Variants in CNTNAP5 observed in about 807,000 individuals in gnomAD.
CNTNAP5 encodes the protein contactin-associated protein-like 5.
CNTNAP5 carries 72 observed loss-of-function variants against 150.2 expected under a neutral mutation model. The observed-to-expected ratio is 0.48, with a 90% confidence interval of 0.40 to 0.58. The LOEUF (loss-of-function observed/expected upper bound fraction) is 0.58. Among genes scored for constraint, CNTNAP5 ranks in the 20% least tolerant of loss-of-function variants. The probability of loss-of-function intolerance (pLI) is 0.00; values close to 1 mark genes in which losing one functional copy is unlikely to be tolerated. For missense variants in CNTNAP5, 1,636 were observed against 1,626.2 expected, an observed-to-expected ratio of 1.01 and a Z score of -0.10; for synonymous variants, 672 against 619.8, an observed-to-expected ratio of 1.08 and a Z score of -1.25.
intron 1 of CNTNAP5, among the ~76,000 whole-genome samples, chr2:124,158,305 G>T (rs1028239426): frequency 6.6e-6 from 1 of 152,122 alleles, no homozygotes; most frequent in Non-Finnish European, 1.5e-5. Flanking sequence ...ATGAAGGATT[G>T]GTTCCAGGAC....
At chr2:124,064,133 G>C (rs547970321) in intron 1 of CNTNAP5, among the ~76,000 whole-genome samples, 24 of 152,160 alleles carry the variant, frequency 1.6e-4, no homozygotes, top group Admixed American at 3.3e-4. Flanking sequence ...TAGCGACTTC[G>C]AAGGCCTATT....
intron 19 of CNTNAP5, among the ~76,000 whole-genome samples, chr2:124,858,993 C>G (rs1677447109): frequency 6.6e-6 from 1 of 152,080 alleles, no homozygotes; most frequent in African/African-American, 2.4e-5. Context: ...AGGACATAGG[C>G]ATGGGCAAGG....
intron 3 of CNTNAP5, among the ~76,000 whole-genome samples, chr2:124,272,679 G>A (rs1465896641): frequency 1.3e-5 from 2 of 152,148 alleles, no homozygotes; most frequent in East Asian, 3.9e-4. Context: ...TTGCTTCAGT[G>A]CTCTGAGCCT....
intron 13 of CNTNAP5, among the ~76,000 whole-genome samples, chr2:124,735,807 G>A (rs915771193): frequency 1.3e-5 from 2 of 152,272 alleles, no homozygotes; most frequent in South Asian, 4.1e-4. Flanking sequence ...ATGAGAATGA[G>A]TATCTTCACA....
chr2:124,587,865 A>G (rs575835432), intron 11 of CNTNAP5, among the ~76,000 whole-genome samples: 8 of 152,320 alleles, frequency 5.3e-5, no homozygotes, highest in African/African-American at 1.9e-4. Context: ...TCCCCTAAAA[A>G]AAAGTAAGAT....
At chr2:124,691,815 G>A (rs1412309410) in intron 13 of CNTNAP5, among the ~76,000 whole-genome samples, 1 of 152,038 alleles carries the variant, frequency 6.6e-6, no homozygotes, top group Non-Finnish European at 1.5e-5. Flanking sequence ...ATGAGGGGTT[G>A]TCTGTGAGGA....
intron 3 of CNTNAP5, among the ~76,000 whole-genome samples, chr2:124,298,945 C>T (rs1688505820): frequency 6.6e-6 from 1 of 152,156 alleles, no homozygotes. Context: ...TGGCCTGCCA[C>T]AGTGTCATAG....
chr2:124,071,748 C>T (rs1246134173), intron 1 of CNTNAP5, among the ~76,000 whole-genome samples: 1 of 151,870 alleles, frequency 6.6e-6, no homozygotes, highest in Non-Finnish European at 1.5e-5. Context: ...AAAGAAAATC[C>T]TGAGACCCAA....
In CNTNAP5 at chr2:124,647,284, T is replaced by TGTTCTCTGAGAAAATG. The variant is rs781596279; in HGVS notation, c.1877-464_1877-449dup. 3.7e-4 allele frequency among the ~76,000 whole-genome samples: 57 copies of TGTTCTCTGAGAAAATG among 152,212 alleles called. 1 individual carries two copies. Among genetic ancestry groups the TGTTCTCTGAGAAAATG allele is most frequent in the Non-Finnish European group, 7.6e-4 (52 of 68,042 alleles). ...AGTGTGGATCACACAATCTCAACCT[T>TGTTCTCTGAGAAAATG]GTTCTCTGAGAAAATGGTTCTCTGA... On this transcript the variant is annotated intron_variant, in intron 12 of 23. Coordinates refer to ENST00000682447, the MANE Select transcript of CNTNAP5 (RefSeq NM_001367498.1).
intron 12 of CNTNAP5, among the ~76,000 whole-genome samples, chr2:124,616,856 G>C (rs1044737300): frequency 6.6e-6 from 1 of 152,106 alleles, no homozygotes; most frequent in Non-Finnish European, 1.5e-5. Flanking sequence ...TTGGCCAGTA[G>C]AGCAGTCAGA....
At chr2:124,634,476 A>G (rs1677930837) in intron 12 of CNTNAP5, among the ~76,000 whole-genome samples, 1 of 152,086 alleles carries the variant, frequency 6.6e-6, no homozygotes, top group African/African-American at 2.4e-5. Flanking sequence ...TATATGATGC[A>G]CACACAGGCA....
chr2:124,444,893 C>T (rs563707854), intron 5 of CNTNAP5, among the ~76,000 whole-genome samples: 1 of 152,234 alleles, frequency 6.6e-6, no homozygotes, highest in East Asian at 1.9e-4. Context: ...CACAGCACCG[C>T]ACTCTGCATT....
At chr2:124,066,656 C>A (rs114824491) in intron 1 of CNTNAP5, among the ~76,000 whole-genome samples, 4 of 150,316 alleles carry the variant, frequency 2.7e-5, no homozygotes, top group Non-Finnish European at 3.0e-5. Flanking sequence ...CAATTTTTAA[C>A]AAAAAAAAAA....
chr2:124,707,179 AG>A (rs1558743890), intron 13 of CNTNAP5, among the ~76,000 whole-genome samples: 4 of 138,598 alleles, frequency 2.9e-5, no homozygotes, highest in African/African-American at 1.0e-4. Context: ...AAGAAGAAGA[AG>A]AAGAAGAAGA....
In CNTNAP5 at chr2:124,647,779, T is replaced by C; in HGVS notation, c.1898T>C (p.Val633Ala). 6.2e-7 allele frequency: 1 copy of C among 1,608,720 alleles called. No homozygotes were observed. ...GCAGAGGACAAGATCTGGACATCAGTGCAGCACAACAATACAGAGCTGACC... is the reference window on the plus strand; with the variant it reads ...GCAGAGGACAAGATCTGGACATCAGCGCAGCACAACAATACAGAGCTGACC... ...NITEDKIWTS[V>A]QHNNTELTRV... Residue 633 changes from valine to alanine, a missense_variant, in exon 13 of 24, where the codon GTG becomes GCG. By Grantham distance (64) the Val-to-Ala change is moderately conservative. Transcript: ENST00000682447.
intron 3 of CNTNAP5, among the ~76,000 whole-genome samples, chr2:124,292,695 C>T (rs76997180): frequency 0.076 from 11,575 of 151,952 alleles, 600 homozygotes; most frequent in Non-Finnish European, 0.12. Flanking sequence ...GAAAACACTT[C>T]GCATATAAAA....
chr2:124,669,667 C>A (rs906379328), intron 13 of CNTNAP5, among the ~76,000 whole-genome samples: 2 of 152,194 alleles, frequency 1.3e-5, no homozygotes, highest in Non-Finnish European at 2.9e-5. Flanking sequence ...GATCTTCTTC[C>A]TCCAAATATG....
intron 3 of CNTNAP5, among the ~76,000 whole-genome samples, chr2:124,335,793 A>G (rs1282409447): frequency 6.6e-6 from 1 of 151,936 alleles, no homozygotes; most frequent in Non-Finnish European, 1.5e-5. Flanking sequence ...CTGTAGTTTC[A>G]AGTGGATCAC....
At chr2:124,761,535 CCTGTTG>C in intron 14 of CNTNAP5, among the ~76,000 whole-genome samples, 1 of 152,156 alleles carries the variant, frequency 6.6e-6, no homozygotes, top group South Asian at 2.1e-4. Context: ...AGCATAATTT[CCTGTTG>C]CTAGTGAGTA....
Sources: allele counts gnomAD v4.1 joint callset (sites outside exome capture counted in the v4.1 genomes callset), GRCh38; gene constraint gnomAD v4.1.1; transcripts MANE v1.5; gene names NCBI Gene and HGNC (gene_info 2026-07-23, HGNC 2026-07-21).